The following SGCD variants were observed in gnomAD, a reference collection of about 807,000 sequenced individuals.
The protein encoded by SGCD is sarcoglycan delta.
Under a neutral mutation model 36.6 loss-of-function variants are expected in SGCD, and 18 were observed. That is an observed-to-expected ratio of 0.49 (90% confidence interval 0.34 to 0.73). The LOEUF is 0.73. Ranked by LOEUF, SGCD falls within the 30% of genes least tolerant of loss-of-function variation. SGCD has a pLI of 0.01. For missense variants in SGCD, 387 were observed against 346.7 expected (o/e 1.12, Z -0.92); for synonymous variants, 133 against 130.6 (o/e 1.02, Z -0.12).
chr5:155,903,000 CT>C (rs1756423319), intron 1 of SGCD, among the ~76,000 whole-genome samples: 1 of 152,134 alleles, frequency 6.6e-6, no homozygotes, highest in Non-Finnish European at 1.5e-5. Context: ...TTGACCAAGT[CT>C]TTGGGCAATG....
At chr5:156,127,854 C>CAAAAAAAAAAAAAAAAAAA (rs56822746) in intron 3 of SGCD, among the ~76,000 whole-genome samples, 1 of 18,440 alleles carries the variant, frequency 5.4e-5, no homozygotes. Flanking sequence ...AACATAAATG[C>CAAAAAAAAAAAAAAAAAAA]AAAAAAAAAA....
Position 156,759,380 on chromosome 5 carries a change from T to C in SGCD, c.863T>C (p.Val288Ala). ...AGSTCQINTS[V>A]CL ...TCCACTTGTCAGATAAACACAAGTG[T>C]CTGCCTCTGAAAGACTATCCATAGT... Residue 288 changes from valine to alanine, a missense_variant, in exon 9 of 9, where the codon GTC becomes GCC. Coordinates refer to ENST00000337851, the MANE Select transcript of SGCD (RefSeq NM_000337.6). 1 of 1,607,582 alleles carries C rather than the reference T, an allele frequency of 6.2e-7. No homozygotes were observed. The highest frequency in any genetic ancestry group is 8.5e-7 in the Non-Finnish European group (1 of 1,175,028).
chr5:156,406,813 TATATATACACAC>T (rs1411041607), intron 3 of SGCD, among the ~76,000 whole-genome samples: 12 of 107,976 alleles, frequency 1.1e-4, no homozygotes, highest in Non-Finnish European at 1.8e-4. Context: ...TATATATATA[TATATATACACAC>T]ACACACACAC....
intron 3 of SGCD, among the ~76,000 whole-genome samples, chr5:156,307,017 C>T (rs1581232895): frequency 6.8e-6 from 1 of 146,812 alleles, no homozygotes; most frequent in South Asian, 2.2e-4. Context: ...TTTTTGGTTG[C>T]TATTTGCACA....
At chr5:155,946,259 TATC>T (rs1448277918) in intron 1 of SGCD, among the ~76,000 whole-genome samples, 4 of 152,208 alleles carry the variant, frequency 2.6e-5, no homozygotes, top group African/African-American at 7.2e-5. Flanking sequence ...TTCATTTAAT[TATC>T]ATAACCACCT....
At chr5:156,191,137 T>C (rs1300693333) in intron 3 of SGCD, among the ~76,000 whole-genome samples, 1 of 151,996 alleles carries the variant, frequency 6.6e-6, no homozygotes, top group African/African-American at 2.4e-5. Context: ...TTTTACAGAG[T>C]ACATGATATC....
At chr5:156,408,325 C>T (rs1449574847) in intron 3 of SGCD, among the ~76,000 whole-genome samples, 2 of 151,702 alleles carry the variant, frequency 1.3e-5, no homozygotes, top group African/African-American at 4.8e-5. Flanking sequence ...CTGGTTTAAC[C>T]TAATCGGGCT....
chr5:156,575,174 A>T (rs1242749253), intron 4 of SGCD, among the ~76,000 whole-genome samples: 4 of 152,210 alleles, frequency 2.6e-5, no homozygotes, highest in Admixed American at 2.6e-4. Context: ...TTAACCTTCC[A>T]TGTGAAAAGC....
chr5:156,399,206 G>A (rs1226528624), intron 3 of SGCD, among the ~76,000 whole-genome samples: 1 of 152,132 alleles, frequency 6.6e-6, no homozygotes, highest in East Asian at 1.9e-4. Flanking sequence ...GTCTTCTAGA[G>A]TTTGGGAATT....
the SGCD span, among the ~76,000 whole-genome samples, chr5:155,735,714 C>T: frequency 1.0e-3 from 152 of 152,304 alleles, no homozygotes; most frequent in African/African-American, 3.5e-3. Flanking sequence ...TTGCTGAAAA[C>T]GAGAGAAGCA....
rs377447677 is a variant in SGCD at position 156,283,387 on chromosome 5, A to G, written c.-43-46147A>G. Among the ~76,000 whole-genome samples, 8 of 152,312 alleles carry G rather than the reference A, an allele frequency of 5.3e-5. No individual in the cohort carries two copies. The East Asian group carries it at 9.6e-4, about 18-fold the overall frequency. On this transcript the variant is annotated intron_variant, in intron 3 of 9. Coordinates refer to the SGCD transcript ENST00000517913. ...CCCAGAATGATAACACTGAAGTTTAACCATATTTCTGCTGGTCTCCTTTAA... is the reference window on the plus strand; with the variant it reads ...CCCAGAATGATAACACTGAAGTTTAGCCATATTTCTGCTGGTCTCCTTTAA...
chr5:156,011,730 G>C (rs1758865322), intron 1 of SGCD, among the ~76,000 whole-genome samples: 1 of 152,164 alleles, frequency 6.6e-6, no homozygotes, highest in Admixed American at 6.6e-5. Context: ...GCGCCTCGGT[G>C]CCTGGCCCAG....
At chr5:156,377,058 A>G (rs1035893575) in intron 3 of SGCD, among the ~76,000 whole-genome samples, 3 of 152,140 alleles carry the variant, frequency 2.0e-5, no homozygotes, top group Non-Finnish European at 2.9e-5. Flanking sequence ...TAAAATGAAA[A>G]TAAAACATTA....
At chr5:156,392,644 G>C (rs1045090077) in intron 3 of SGCD, among the ~76,000 whole-genome samples, 29 of 152,236 alleles carry the variant, frequency 1.9e-4, no homozygotes, top group African/African-American at 6.8e-4. Context: ...TTGCCTTGGT[G>C]TCCCGGAAGA....
intron 2 of SGCD, among the ~76,000 whole-genome samples, chr5:156,331,513 G>A (rs548458579): frequency 3.3e-5 from 5 of 152,252 alleles, no homozygotes; most frequent in South Asian, 4.1e-4. Context: ...TAAAGCAATG[G>A]CACCTATTAG....
intron 3 of SGCD, among the ~76,000 whole-genome samples, chr5:156,307,552 G>GTTTTTTTTTATTT: frequency 2.1e-5 from 1 of 48,444 alleles, no homozygotes; most frequent in Admixed American, 2.4e-4. Flanking sequence ...CATTTTAACT[G>GTTTTTTTTTATTT]TTGTTTTTTT....
At chr5:156,019,772 A>T (rs1759058711) in intron 1 of SGCD, among the ~76,000 whole-genome samples, 1 of 152,228 alleles carries the variant, frequency 6.6e-6, no homozygotes, top group Non-Finnish European at 1.5e-5. Context: ...GCCCTTTCTC[A>T]TGACCATCCA....
chr5:155,834,317 G>T, the SGCD span, among the ~76,000 whole-genome samples: 1 of 152,088 alleles, frequency 6.6e-6, no homozygotes, highest in Non-Finnish European at 1.5e-5. Flanking sequence ...TTCTGAGAAC[G>T]GTACTGCATG....
At chr5:156,436,817 A>G (rs934680970) in intron 3 of SGCD, among the ~76,000 whole-genome samples, 3 of 152,180 alleles carry the variant, frequency 2.0e-5, no homozygotes, top group African/African-American at 7.2e-5. Flanking sequence ...GTTGACATGT[A>G]ACCACCCCTC....
Sources: allele counts gnomAD v4.1 joint callset (sites outside exome capture counted in the v4.1 genomes callset), GRCh38; gene constraint gnomAD v4.1.1; transcripts MANE v1.5; gene names NCBI Gene and HGNC (gene_info 2026-07-23, HGNC 2026-07-21).